Variants in TBCD observed in about 807,000 individuals in gnomAD.
TBCD encodes the protein tubulin-specific chaperone D.
TBCD carries 105 observed loss-of-function variants against 169.3 expected under a neutral mutation model. The observed-to-expected ratio is 0.62, with a 90% confidence interval of 0.53 to 0.73. The LOEUF (loss-of-function observed/expected upper bound fraction) is 0.73, where lower values mean the gene tolerates loss of function less well. TBCD is among the 30% of genes least tolerant of loss of function. The pLI, the probability that TBCD is intolerant of heterozygous loss-of-function variation, is 0.00. For synonymous variants in TBCD, 700 were observed against 643.9 expected, an observed-to-expected ratio of 1.09 and a Z score of -1.32; for missense variants, 1,444 against 1,600.1, an observed-to-expected ratio of 0.90 and a Z score of 1.66.
intron 13 of TBCD, chr17:82,829,314 CCA>C (rs1163051000): frequency 1.9e-5 from 3 of 154,628 alleles, no homozygotes; most frequent in Non-Finnish European, 4.4e-5. Context: ...CACACCCCCC[CCA>C]CACAGATAGC....
chr17:82,788,789 G>C (rs2049491379), intron 7 of TBCD, among the ~76,000 whole-genome samples: 2 of 152,164 alleles, frequency 1.3e-5, no homozygotes, highest in Admixed American at 1.3e-4. Context: ...CAGGCCCTTT[G>C]CTGACTCCGT....
chr17:82,816,681 CCACCA>C (rs1233879086), intron 13 of TBCD, among the ~76,000 whole-genome samples: 1 of 151,700 alleles, frequency 6.6e-6, no homozygotes, highest in Non-Finnish European at 1.5e-5. Context: ...CCACCGGTGC[CCACCA>C]CCATGCCACA....
In TBCD at chr17:82,927,186, G is replaced by A. The variant is rs2061830202; in HGVS notation, c.2472G>A (p.Arg824=). The stretch of plus-strand genomic sequence containing the variant: ...TTAGCTCACACATTTTAAATTTCAG[G>A]ATTTGCCAGACTGTTGGTGTGAAAG... The part of the protein sequence containing the change: ...SRRDGLKAIA[R]ICQTVGVKAG... The change falls in exon 29 of 39, where the codon AGG becomes AGA. Residue 824 remains arginine, a splice_region_variant and synonymous_variant. Transcript: ENST00000355528. The A allele has an allele frequency of 6.2e-7, 1 of 1,613,850 alleles. No individual in the cohort carries two copies. The highest frequency in any genetic ancestry group is 2.2e-5 in the East Asian group (1 of 44,878).
chr17:82,862,675 A>G (rs1230618507), intron 13 of TBCD, among the ~76,000 whole-genome samples: 1 of 152,236 alleles, frequency 6.6e-6, no homozygotes, highest in African/African-American at 2.4e-5. Context: ...ATTTATCTTT[A>G]GCACGGGAGG....
intron 15 of TBCD, among the ~76,000 whole-genome samples, chr17:82,886,652 TCCCCTCCCCTCCCCTCCCCTCCCCTCCC>T (rs2058725939): frequency 9.2e-4 from 2 of 2,180 alleles, no homozygotes; most frequent in Non-Finnish European, 2.5e-3. Context: ...TCCCCTCCCC[TCCCCTCCCCTCCCCTCCCCTCCCCTCCC>T]CTCCCCTCCC....
chr17:82,773,642 C>T (rs2144127964), intron 6 of TBCD, among the ~76,000 whole-genome samples: 1 of 152,244 alleles, frequency 6.6e-6, no homozygotes, highest in East Asian at 1.9e-4. Flanking sequence ...ATTCTTTGCA[C>T]CACGGACCAG....
chr17:82,904,435 G>C (rs934774846), intron 19 of TBCD, among the ~76,000 whole-genome samples: 1 of 152,264 alleles, frequency 6.6e-6, no homozygotes, highest in Admixed American at 6.5e-5. Flanking sequence ...ATTGGGCAGC[G>C]TGTATAGAAA....
Position 82,945,207 on chromosome 17 carries a change from GA to G in TBCD, c.*2745del, listed in dbSNP as rs771155407. ...AATGGATAGCTTAGACACAGCTGAA[GA>G]GAGAATTAGAAAACTGGAAGATCTG... is the stretch of plus-strand genomic sequence containing the variant. On this transcript the variant is annotated 3_prime_UTR_variant, in exon 39 of 39. Transcript: ENST00000355528. 7 of 152,240 alleles carry G rather than the reference GA, an allele frequency of 4.6e-5. No individual in the cohort carries two copies. The highest frequency in any genetic ancestry group is 1.0e-4 in the Non-Finnish European group (7 of 68,044). The allele number at this position is 152,240 out of a possible 1,614,324, so 9.4% of individuals were successfully genotyped here.
rs545129472 is a variant in TBCD at position 82,824,596 on chromosome 17, G to A, written c.1318+9662G>A. ...CAGCTTCCAACTCCTGGGCTTGAGCGACTCTCCCACCTCAGCCTCCTGAGT... is the reference window on the plus strand; with the variant it reads ...CAGCTTCCAACTCCTGGGCTTGAGCAACTCTCCCACCTCAGCCTCCTGAGT... On this transcript the variant is annotated intron_variant, in intron 13 of 38. Coordinates refer to ENST00000355528, the MANE Select transcript of TBCD (RefSeq NM_005993.5). Among the ~76,000 whole-genome samples the A allele has an allele frequency of 4.6e-5, 7 of 152,056 alleles. No individual in the cohort carries two copies. The South Asian group carries it at 6.2e-4, about 14-fold the overall frequency.
chr17:82,870,140 C>T (rs1020106166), intron 13 of TBCD, 84 bp from the exon 14 acceptor site: 26 of 1,581,468 alleles, frequency 1.6e-5, no homozygotes, highest in East Asian at 1.1e-4. Context: ...GACCGCGCTC[C>T]GGCCCTGAGC....
In TBCD at chr17:82,806,156, C is replaced by G. The variant is rs551357950; in HGVS notation, c.1087+145C>G. On this transcript the variant is annotated intron_variant, in intron 10 of 38. Transcript: ENST00000355528. This position sits in a 1 kb window ranked among gnomAD's most constrained non-coding sequence, Gnocchi z 5.1. ...CTTCGCTGAGTGCACGGTCACTGCC[C>G]GTCCTCTGGCTCCTGAACCCAGGCC... The G allele has an allele frequency of 4.5e-6, 5 of 1,118,126 alleles. No homozygotes were observed. Among genetic ancestry groups the G allele is most frequent in the Non-Finnish European group, 6.3e-6 (5 of 797,840 alleles). The allele number at this position is 1,118,126 out of a possible 1,614,324, so 69.3% of individuals were successfully genotyped here.
At chr17:82,803,061 C>T (rs1051207310) in intron 9 of TBCD, among the ~76,000 whole-genome samples, 17 of 152,150 alleles carry the variant, frequency 1.1e-4, no homozygotes, top group Admixed American at 7.2e-4. Context: ...TTTATCTCCT[C>T]GGTTGGATTT....
chr17:82,781,514 T>C lies in TBCD; in HGVS notation c.639-75T>C, dbSNP rs547522668. On this transcript the variant is annotated intron_variant, in intron 6 of 38. Coordinates refer to ENST00000355528, the MANE Select transcript of TBCD (RefSeq NM_005993.5). The stretch of plus-strand genomic sequence containing the variant: ...GTGGGAGGGCCTGGGGAGGTGGGTG[T>C]GTGTGGGGTGGGCTGGTGAGGCGTG... 73 of 1,564,898 alleles carry C rather than the reference T, an allele frequency of 4.7e-5. No individual in the cohort carries two copies. In the East Asian group the frequency reaches 1.6e-3, roughly 35 times the overall value.
In TBCD at chr17:82,880,465, T is replaced by G. The variant is rs2058278426; in HGVS notation, c.1476-3680T>G. Among the ~76,000 whole-genome samples the G allele has an allele frequency of 1.3e-5, 2 of 152,224 alleles. No homozygotes were observed. The highest frequency in any genetic ancestry group is 2.9e-5 in the Non-Finnish European group (2 of 68,042). On this transcript the variant is annotated intron_variant, in intron 14 of 38. Transcript: ENST00000355528. This position sits in a 1 kb window ranked among gnomAD's most constrained non-coding sequence, Gnocchi z 5.0. The stretch of plus-strand genomic sequence containing the variant: ...CACCCTTATCTTTGGGAGTGGGTAT[T>G]ATTCTGCTGAAGACAAGGGTGGGGA...
intron 13 of TBCD, among the ~76,000 whole-genome samples, chr17:82,852,667 A>G (rs779115545): frequency 3.4e-4 from 52 of 152,302 alleles, no homozygotes; most frequent in Admixed American, 5.9e-4. Context: ...CTCCAGATAC[A>G]GGCACTCGGG....
At chr17:82,850,858 C>T (rs1025313948) in intron 13 of TBCD, among the ~76,000 whole-genome samples, 1 of 152,174 alleles carries the variant, frequency 6.6e-6, no homozygotes, top group Non-Finnish European at 1.5e-5. Flanking sequence ...TGGACAGACC[C>T]GGTATCCTCC....
rs756662476 is a variant in TBCD, at chr17:82,929,275, C to T, written c.2852+4C>T. On this transcript the variant is annotated splice_donor_region_variant and intron_variant, in intron 31 of 38. Transcript: ENST00000355528. ...AACTGGAAAAGCTGTTTCCCAGGTA[C>T]TGTCGGGGTGTAGGCCCCCCGTGCT... is the stretch of plus-strand genomic sequence containing the variant. 5.0e-6 allele frequency: 8 copies of T among 1,613,348 alleles called. No individual in the cohort carries two copies. In the African/African-American group the frequency reaches 5.3e-5, roughly 11 times the overall value.
chr17:82,872,955 G>A (rs1337132288), intron 14 of TBCD, among the ~76,000 whole-genome samples: 2 of 143,898 alleles, frequency 1.4e-5, no homozygotes, highest in South Asian at 2.1e-4. Context: ...CCGGCACCTC[G>A]TGGCCGACGG....
At chr17:82,937,421 G>A (rs2062721038) in intron 35 of TBCD, 61 bp downstream of exon 35, 14 of 1,486,510 alleles carry the variant, frequency 9.4e-6, no homozygotes, top group Non-Finnish European at 1.3e-5. Flanking sequence ...CCTTGGCTGA[G>A]GGCAGGAGTC....
Sources: gnomAD v4.1 joint callset for allele counts (sites outside exome capture counted in the v4.1 genomes callset) on GRCh38, gnomAD v4.1.1 for gene constraint, Gnocchi (gnomAD v3.1) non-coding constraint, MANE v1.5 for transcripts, NCBI Gene and HGNC (gene_info 2026-07-23, HGNC 2026-07-21) for gene names.